Variants in RUNX2 observed in about 807,000 individuals in gnomAD.
The protein encoded by RUNX2 is runt-related transcription factor 2.
RUNX2 carries 10 observed loss-of-function variants against 51.7 expected under a neutral mutation model. That is an observed-to-expected ratio of 0.19 (90% confidence interval 0.12 to 0.33). RUNX2 has a LOEUF of 0.33. RUNX2 is among the 10% of genes least tolerant of loss of function. RUNX2 has a pLI of 1.00. For missense variants in RUNX2, 562 were observed against 691.3 expected (o/e 0.81, Z 2.10); for synonymous variants, 276 against 273.6 (o/e 1.01, Z -0.09).
intron 7 of RUNX2, among the ~76,000 whole-genome samples, chr6:45,528,156 T>C (rs1801729113): frequency 6.6e-6 from 1 of 152,140 alleles, no homozygotes; most frequent in African/African-American, 2.4e-5. Context: ...CCCACCCCCA[T>C]GATTCAGTTA....
intron 2 of RUNX2, among the ~76,000 whole-genome samples, chr6:45,380,171 A>G (rs1363272115): frequency 6.6e-6 from 1 of 152,260 alleles, no homozygotes; most frequent in African/African-American, 2.4e-5. Context: ...ATCCTAAACT[A>G]TCAATGGTAC....
At position 45,509,656 on chromosome 6, in the gene RUNX2, G is replaced by A. The variant is rs771405852; in HGVS notation, c.860-2590G>A. ...TGAGGTCATACAGCTTATCAATAGC[G>A]GAGCTGGCACGCCAACTCAGATCCT... On this transcript the variant is annotated intron_variant, in intron 6 of 8. Transcript: ENST00000647337. Among the ~76,000 whole-genome samples the A allele has an allele frequency of 9.8e-4, 149 of 152,284 alleles. 1 individual carries two copies. Among genetic ancestry groups the A allele is most frequent in the Non-Finnish European group, 1.9e-3 (126 of 68,014 alleles).
intron 6 of RUNX2, among the ~76,000 whole-genome samples, chr6:45,502,926 A>G (rs1161296149): frequency 6.6e-6 from 1 of 152,154 alleles, no homozygotes; most frequent in Admixed American, 6.5e-5. Context: ...ATCTCACAAT[A>G]TTTTGAAACT....
At chr6:45,477,437 A>G (rs1226478096) in intron 5 of RUNX2, among the ~76,000 whole-genome samples, 2 of 152,162 alleles carry the variant, frequency 1.3e-5, no homozygotes, top group African/African-American at 2.4e-5. Context: ...CTTCAAACTC[A>G]TGGCCAACAC....
intron 2 of RUNX2, among the ~76,000 whole-genome samples, chr6:45,380,004 AT>A (rs1451639567): frequency 6.6e-6 from 1 of 152,236 alleles, no homozygotes; most frequent in Non-Finnish European, 1.5e-5. Context: ...CAGAGATCTG[AT>A]TTTTAAAGTC....
chr6:45,522,555 A>G (rs7755257), intron 7 of RUNX2, among the ~76,000 whole-genome samples: 54,815 of 152,100 alleles, frequency 0.36, 11,436 homozygotes, highest in African/African-American at 0.59. Flanking sequence ...CATGTTTCTT[A>G]AGATGTGACA....
chr6:45,501,283 G>A (rs1800795375), intron 6 of RUNX2, among the ~76,000 whole-genome samples: 2 of 152,216 alleles, frequency 1.3e-5, no homozygotes, highest in Non-Finnish European at 2.9e-5. Context: ...GTGGCTGTCA[G>A]TCCATGAAAA....
intron 2 of RUNX2, among the ~76,000 whole-genome samples, chr6:45,333,966 C>T (rs1286462506): frequency 1.3e-5 from 2 of 151,152 alleles, no homozygotes; most frequent in African/African-American, 2.4e-5. Context: ...TATACATACG[C>T]AATTTCGATA....
intron 7 of RUNX2, among the ~76,000 whole-genome samples, chr6:45,524,864 G>C (rs1160393543): frequency 6.6e-6 from 1 of 152,184 alleles, no homozygotes; most frequent in Non-Finnish European, 1.5e-5. Context: ...TGTAATTCCA[G>C]CACTTTGAGA....
At chr6:45,536,517 G>C (rs985391803) in intron 7 of RUNX2, among the ~76,000 whole-genome samples, 3 of 152,252 alleles carry the variant, frequency 2.0e-5, no homozygotes, top group African/African-American at 7.2e-5. Flanking sequence ...CCTCAGGGCT[G>C]TTGGACCACA....
chr6:45,423,107 T>G, intron 3 of RUNX2, 150 bp downstream of exon 3: 3 of 790,278 alleles, frequency 3.8e-6, no homozygotes, highest in Non-Finnish European at 5.7e-6. Flanking sequence ...CGGGCCTCCC[T>G]CCGGATGCCC....
intron 5 of RUNX2, among the ~76,000 whole-genome samples, chr6:45,440,713 C>T (rs894544885): frequency 6.6e-6 from 1 of 151,780 alleles, no homozygotes; most frequent in Non-Finnish European, 1.5e-5. Flanking sequence ...TGATGAGACC[C>T]AAATCTAAAC....
At chr6:45,457,591 T>C (rs186550416) in intron 5 of RUNX2, among the ~76,000 whole-genome samples, 3 of 152,338 alleles carry the variant, frequency 2.0e-5, no homozygotes, top group Admixed American at 2.0e-4. Flanking sequence ...TCTTGGCACA[T>C]GCTTTGCCTT....
intron 7 of RUNX2, among the ~76,000 whole-genome samples, chr6:45,519,208 T>C (rs541499665): frequency 6.6e-6 from 1 of 152,212 alleles, no homozygotes; most frequent in African/African-American, 2.4e-5. Context: ...ATTATTACTT[T>C]TATGTATATG....
chr6:45,507,496 A>G (rs1029608915), intron 6 of RUNX2, among the ~76,000 whole-genome samples: 2 of 152,156 alleles, frequency 1.3e-5, no homozygotes, highest in Admixed American at 6.5e-5. Context: ...TACTATAAGC[A>G]CTAATAATTG....
chr6:45,424,393 G>A (rs1258207072), intron 3 of RUNX2, among the ~76,000 whole-genome samples: 3 of 152,222 alleles, frequency 2.0e-5, no homozygotes, highest in Non-Finnish European at 4.4e-5. Context: ...AGACGCCAGG[G>A]ATGCAGGGGT....
chr6:45,429,864 C>T (rs565391382), intron 3 of RUNX2, among the ~76,000 whole-genome samples: 9 of 152,160 alleles, frequency 5.9e-5, no homozygotes, highest in Non-Finnish European at 8.8e-5. Context: ...GAGGCTGAGG[C>T]GGGCGGATCA....
intron 2 of RUNX2, chr6:45,377,515 G>A (rs952294862): frequency 2.0e-5 from 3 of 152,146 alleles, no homozygotes; most frequent in African/African-American, 7.2e-5. Context: ...CGCCAAAAGG[G>A]AGGAGTCGAG....
chr6:45,399,093 T>G (rs898412222), intron 2 of RUNX2, among the ~76,000 whole-genome samples: 1 of 152,040 alleles, frequency 6.6e-6, no homozygotes, highest in South Asian at 2.1e-4. Flanking sequence ...ATTAGAAAAA[T>G]TAGTGATATT....
Sources: allele counts gnomAD v4.1 joint callset (sites outside exome capture counted in the v4.1 genomes callset), GRCh38; gene constraint gnomAD v4.1.1; transcripts MANE v1.5; gene names NCBI Gene and HGNC (gene_info 2026-07-23, HGNC 2026-07-21).